NOL7: variants seen among roughly 807,000 people sequenced by gnomAD.
The protein encoded by NOL7 is nucleolar protein 7, also known as U3 small nucleolar RNA-associated protein NOL7.
NOL7 carries 36 observed loss-of-function variants against 38.4 expected under a neutral mutation model. The observed-to-expected ratio is 0.94, with a 90% confidence interval of 0.72 to 1.24. NOL7 has a LOEUF of 1.24. Ranked by LOEUF, NOL7 falls within the 50% of genes most tolerant of loss-of-function variation. The pLI is 0.00. For synonymous variants in NOL7, 142 were observed against 126.5 expected (o/e 1.12, Z -0.82); for missense variants, 350 against 315.1 (o/e 1.11, Z -0.84).
At chr6:13,621,766 A>AAAAC (rs1443970695), downstream of NOL7, 2 of 152,670 alleles carry the variant, frequency 1.3e-5, no homozygotes, top group East Asian at 3.8e-4. Context: ...AGACCATGTT[A>AAAAC]AAACAAAACT....
chr6:13,625,063 T>C (rs552313780), downstream of NOL7, among the ~76,000 whole-genome samples: 7 of 152,358 alleles, frequency 4.6e-5, no homozygotes, highest in South Asian at 1.2e-3. Flanking sequence ...GCTTCTCTGA[T>C]ATTCAAGCTC....
Position 13,615,535 on chromosome 6 carries a change from T to G in NOL7, c.177T>G (p.Phe59Leu). 6.4e-7 allele frequency: 1 copy of G among 1,558,386 alleles called. No homozygotes were observed. The highest frequency in any genetic ancestry group is 2.4e-5 in the East Asian group (1 of 41,648). The change falls in exon 1 of 8, where the codon TTT (phenylalanine) becomes TTG (leucine). Residue 59 changes from phenylalanine to leucine, a missense_variant. Coordinates refer to ENST00000451315, the MANE Select transcript of NOL7 (RefSeq NM_016167.5). ...LEEDEEGDDE[F>L]DDEAPEELTF... ...AAGACGAGGAAGGGGACGATGAGTT[T>G]GACGATGAGGCCCCGGAGGAGCTGA...
chr6:13,630,954 C>T (rs773988064), intron 8 of NOL7, among the ~76,000 whole-genome samples: 3 of 151,820 alleles, frequency 2.0e-5, no homozygotes, highest in South Asian at 2.1e-4. Context: ...GGACTACCGG[C>T]GCCCGCCACC....
At chr6:13,620,054 T>A (rs965067178) in intron 5 of NOL7, among the ~76,000 whole-genome samples, 154 bp from the exon 6 acceptor site, 7 of 152,024 alleles carry the variant, frequency 4.6e-5, no homozygotes, top group Non-Finnish European at 8.8e-5. Context: ...TTCAGGAGGC[T>A]GAGGCAGGCA....
In NOL7 at chr6:13,627,655, T is replaced by C. The variant is rs868260396; in HGVS notation, n.574-4738T>C. ...CAAAAAAAAAAAAAAAAAAAAAAAA[T>C]CACGTTATTTTTAAGGACTGAGCTT... On this transcript the variant is annotated intron_variant and non_coding_transcript_variant, in intron 8 of 8. Coordinates refer to the NOL7 transcript ENST00000474485. 6.9e-3 allele frequency among the ~76,000 whole-genome samples: 775 copies of C among 112,270 alleles called. 4 individuals are homozygous for C. Among genetic ancestry groups the C allele is most frequent in the African/African-American group, 0.023 (715 of 30,968 alleles). The allele number at this position is 112,270 out of a possible 152,430, so 73.7% of individuals were successfully genotyped here. A position where few individuals can be genotyped will look rare whatever the true frequency, so the allele number is the denominator to read the frequency against.
chr6:13,615,854 A>G, intron 2 of NOL7, 82 bp downstream of exon 2: 2 of 1,352,652 alleles, frequency 1.5e-6, no homozygotes, highest in East Asian at 4.7e-5. Flanking sequence ...TTGGGTTGGC[A>G]GGATATTGGA....
intron 3 of NOL7, 61 bp from the exon 4 acceptor site, chr6:13,617,708 AT>A (rs1764327752): frequency 1.3e-6 from 2 of 1,490,588 alleles, no homozygotes; most frequent in Middle Eastern, 1.9e-4. Context: ...ATGAAATAAT[AT>A]AACATGTTTT....
In NOL7 at chr6:13,620,488, A is replaced by G. The variant is rs753170041; in HGVS notation, c.700+3A>G. 6.8e-6 allele frequency: 11 copies of G among 1,612,314 alleles called. No homozygotes were observed. Among genetic ancestry groups the G allele is most frequent in the Non-Finnish European group, 7.6e-6 (9 of 1,178,716 alleles). ...CCAGTTTTTGAATAATGCTTGGGGT[A>G]AGATCCAGCTTTATTCTCCTGTCTC... On this transcript the variant is annotated splice_donor_region_variant and intron_variant, in intron 7 of 7. Coordinates refer to ENST00000451315, the MANE Select transcript of NOL7 (RefSeq NM_016167.5).
At chr6:13,623,309 T>C (rs940653850), downstream of NOL7, among the ~76,000 whole-genome samples, 2 of 152,150 alleles carry the variant, frequency 1.3e-5, no homozygotes, top group African/African-American at 2.4e-5. Context: ...ATAGGCACAG[T>C]TGACAACAAA....
In NOL7 at chr6:13,630,803, A is replaced by G. The variant is rs140522454; in HGVS notation, n.574-1590A>G. Among the ~76,000 whole-genome samples the G allele has an allele frequency of 2.5e-3, 388 of 152,284 alleles. 4 individuals carry two copies. Among genetic ancestry groups the G allele is most frequent in the Non-Finnish European group, 1.2e-3 (85 of 68,016 alleles). Reference sequence around the variant, plus strand: ...ATTAAACCAAGCATTAAAGAGACTTACAAAAAAATATAAAGCAATGCCACT... The same window carrying G: ...ATTAAACCAAGCATTAAAGAGACTTGCAAAAAAATATAAAGCAATGCCACT... On this transcript the variant is annotated intron_variant and non_coding_transcript_variant, in intron 8 of 8. Transcript: ENST00000474485.
chr6:13,615,468 T>C lies in NOL7; in HGVS notation c.110T>C (p.Leu37Pro). 6.4e-7 allele frequency: 1 copy of C among 1,550,776 alleles called. No individual in the cohort carries two copies. The highest frequency in any genetic ancestry group is 8.7e-7 in the Non-Finnish European group (1 of 1,147,172). The change falls in exon 1 of 8, where the codon CTC becomes CCC. Residue 37 changes from leucine to proline, a missense_variant. Transcript: ENST00000451315. ...GAGGAGGCGGAGCACGGGCTGTTGC[T>C]CGGGCAGCCCAGCAGCGGCGCGGCC... is the stretch of plus-strand genomic sequence containing the variant. Reference protein sequence around the residue: ...EEEEAEHGLLLGQPSSGAAAE... With the variant: ...EEEEAEHGLLPGQPSSGAAAE...
At chr6:13,631,028 TCAA>T (rs1456365828) in intron 8 of NOL7, among the ~76,000 whole-genome samples, 1 of 152,032 alleles carries the variant, frequency 6.6e-6, no homozygotes, top group Non-Finnish European at 1.5e-5. Context: ...CAGGATGGTC[TCAA>T]TCTCTTGAAC....
intron 5 of NOL7, among the ~76,000 whole-genome samples, chr6:13,618,578 A>G (rs942690726): frequency 5.9e-5 from 9 of 152,038 alleles, no homozygotes; most frequent in Non-Finnish European, 1.2e-4. Flanking sequence ...GTAATTTCAG[A>G]TTGTCGTCTC....
At chr6:13,623,705 A>T (rs1315800198), downstream of NOL7, among the ~76,000 whole-genome samples, 1 of 152,224 alleles carries the variant, frequency 6.6e-6, no homozygotes, top group East Asian at 1.9e-4. Context: ...ATGGACCTAC[A>T]TAATATAGCA....
At chr6:13,624,246 C>T (rs1439003196), downstream of NOL7, among the ~76,000 whole-genome samples, 4 of 152,192 alleles carry the variant, frequency 2.6e-5, no homozygotes, top group Non-Finnish European at 5.9e-5. Context: ...GGCAAAGAAA[C>T]AGACTGAGTC....
chr6:13,618,114 A>G lies in NOL7; in HGVS notation c.475A>G (p.Lys159Glu), dbSNP rs372106357. ...CEKGNDSKKV[K>E]VQKVQSVSQN... ...AAAAGGAAATGACTCCAAGAAAGTT[A>G]AAGTACAAAAAGTACAGTCTGTCAG... The change falls in exon 5 of 8, where the codon AAA becomes GAA. Residue 159 changes from lysine (K) to glutamate (E), a missense_variant. By Grantham distance (56) the Lys-to-Glu change is moderately conservative. Transcript: ENST00000451315. 65 of 1,589,714 alleles carry G rather than the reference A, an allele frequency of 4.1e-5. No homozygotes were observed. Among genetic ancestry groups the G allele is most frequent in the Non-Finnish European group, 5.1e-5 (59 of 1,159,324 alleles).
intron 8 of NOL7, among the ~76,000 whole-genome samples, chr6:13,627,112 T>C (rs1432673544): frequency 6.6e-6 from 1 of 152,212 alleles, no homozygotes; most frequent in African/African-American, 2.4e-5. Flanking sequence ...AATTATTTAC[T>C]ATACTATTTT....
downstream of NOL7, among the ~76,000 whole-genome samples, chr6:13,622,687 T>G (rs1667688852): frequency 6.6e-6 from 1 of 152,214 alleles, no homozygotes; most frequent in African/African-American, 2.4e-5. Context: ...GTGTGGGTAT[T>G]GTGTATTCAA....
intron 4 of NOL7, 21 bp from the exon 5 acceptor site, chr6:13,618,037 A>C (rs765367644): frequency 2.5e-5 from 33 of 1,339,090 alleles, no homozygotes; most frequent in Non-Finnish European, 3.3e-5. Flanking sequence ...GCTAATTAGA[A>C]AATGTAACTC....
Sources: allele counts gnomAD v4.1 joint callset (sites outside exome capture counted in the v4.1 genomes callset), GRCh38; gene constraint gnomAD v4.1.1; transcripts MANE v1.5; gene names NCBI Gene and HGNC (gene_info 2026-07-23, HGNC 2026-07-21).